Variants in ZNF423 observed in about 807,000 individuals in gnomAD.
ZNF423 encodes zinc finger protein 423.
A neutral mutation model predicts 95.8 loss-of-function variants in ZNF423; 12 were observed. The observed-to-expected ratio is 0.13, with a 90% CI of 0.08 to 0.20. ZNF423 has a LOEUF of 0.20. ZNF423 is among the 10% of genes least tolerant of loss of function. The probability of loss-of-function intolerance (pLI) is 1.00; values close to 1 mark genes in which losing one functional copy is unlikely to be tolerated. For synonymous variants in ZNF423, 749 were observed against 711.9 expected (o/e 1.05, Z -0.83); for missense variants, 1,316 against 1,737.1 (o/e 0.76, Z 4.31).
chr16:49,623,778 C>T lies in ZNF423; in HGVS notation c.3601+2392G>A, dbSNP rs545289821. The stretch of plus-strand genomic sequence containing the variant: ...CGCCAGGTGAGCCCCACCACACACA[C>T]GATTGGGAGTCAGTGGCTGCAGGAG... On this transcript the variant is annotated intron_variant, in intron 5 of 7. Transcript: ENST00000563137. Among the ~76,000 whole-genome samples the T allele has an allele frequency of 3.3e-5, 5 of 152,306 alleles. No homozygotes were observed. The South Asian group carries it at 8.3e-4, about 25-fold the overall frequency.
At chr16:49,760,573 A>C (rs1248372389) in intron 2 of ZNF423, among the ~76,000 whole-genome samples, 1 of 152,156 alleles carries the variant, frequency 6.6e-6, no homozygotes, top group Non-Finnish European at 1.5e-5. Context: ...TACGAAGATG[A>C]CCAAGACATG....
intron 7 of ZNF423, among the ~76,000 whole-genome samples, chr16:49,501,627 G>A (rs1967407128): frequency 7.4e-6 from 1 of 134,802 alleles, no homozygotes; most frequent in African/African-American, 2.8e-5. Context: ...AACCAACCCA[G>A]GCGCCCACCA....
At chr16:49,513,394 G>A (rs1201799657) in intron 7 of ZNF423, among the ~76,000 whole-genome samples, 4 of 152,244 alleles carry the variant, frequency 2.6e-5, no homozygotes, top group Admixed American at 1.3e-4. Flanking sequence ...TGCTAAGTAT[G>A]TGCCTAGAGC....
At chr16:49,731,484 G>A (rs1322747322) in intron 2 of ZNF423, 1 of 540,172 alleles carries the variant, frequency 1.9e-6, no homozygotes, top group Non-Finnish European at 2.4e-6. Flanking sequence ...AAGTACACAT[G>A]TTTGAAGAAC....
chr16:49,721,047 G>T (rs1468866277), intron 3 of ZNF423, among the ~76,000 whole-genome samples: 1 of 152,254 alleles, frequency 6.6e-6, no homozygotes, highest in Non-Finnish European at 1.5e-5. Flanking sequence ...AGGTGCTGGG[G>T]CACCTCTGCT....
At chr16:49,854,057 C>T (rs979880809) in intron 1 of ZNF423, 10 of 985,254 alleles carry the variant, frequency 1.0e-5, no homozygotes, top group Non-Finnish European at 1.1e-5. Flanking sequence ...GCCGTACAGC[C>T]CTTCCATCAG....
intron 1 of ZNF423, among the ~76,000 whole-genome samples, chr16:49,797,919 G>A (rs1445572043): frequency 3.5e-5 from 4 of 115,234 alleles, no homozygotes; most frequent in African/African-American, 9.4e-5. Context: ...TAAAGAAACC[G>A]ATTTTTTAGG....
At chr16:49,741,936 C>A (rs1327096376) in intron 2 of ZNF423, among the ~76,000 whole-genome samples, 1 of 152,234 alleles carries the variant, frequency 6.6e-6, no homozygotes, top group Non-Finnish European at 1.5e-5. Context: ...CAGGTGACCT[C>A]ACTCCAGGTC....
chr16:49,546,569 T>C (rs1969450541), intron 5 of ZNF423, among the ~76,000 whole-genome samples: 1 of 152,150 alleles, frequency 6.6e-6, no homozygotes, highest in Non-Finnish European at 1.5e-5. Context: ...ATGTGAGACT[T>C]CCATTACAAA....
chr16:49,722,175 A>G (rs951325143), intron 3 of ZNF423, among the ~76,000 whole-genome samples: 2 of 152,216 alleles, frequency 1.3e-5, no homozygotes, highest in African/African-American at 4.8e-5. Flanking sequence ...GTTCCCCATC[A>G]GAAGCCATCG....
intron 2 of ZNF423, among the ~76,000 whole-genome samples, chr16:49,737,013 C>T (rs571088744): frequency 1.3e-5 from 2 of 152,088 alleles, no homozygotes; most frequent in Admixed American, 1.3e-4. Flanking sequence ...CACAGCCTCC[C>T]CTACACCCTG....
At chr16:49,822,526 C>A in intron 1 of ZNF423, 1 of 568,936 alleles carries the variant, frequency 1.8e-6, no homozygotes, top group South Asian at 4.1e-5. Flanking sequence ...GATGTTGCTC[C>A]TTCATCCTCC....
chr16:49,491,542 CTT>C (rs35641691), intron 7 of ZNF423, among the ~76,000 whole-genome samples: 29 of 111,200 alleles, frequency 2.6e-4, no homozygotes, highest in African/African-American at 2.9e-4. Context: ...TGTTTTTTGG[CTT>C]TTTTTTTTTT....
At chr16:49,681,767 T>C (rs926303163) in intron 3 of ZNF423, among the ~76,000 whole-genome samples, 1 of 152,024 alleles carries the variant, frequency 6.6e-6, no homozygotes, top group Admixed American at 6.5e-5. Flanking sequence ...TATGATTTTC[T>C]TTTTCTTTTT....
At position 49,636,894 on chromosome 16, in the gene ZNF423, G is replaced by A. The variant is rs1462999528; in HGVS notation, c.2282C>T (p.Thr761Met). ...HSNEKKMYRCTACNWDFRKEA... is the reference protein window; with the variant it reads ...HSNEKKMYRCMACNWDFRKEA... ...CTTGCGGAAGTCCCAGTTGCAGGCC[G>A]TGCAGCGGTACATCTTCTTCTCATT... Residue 761 changes from threonine (T) to methionine (M), a missense_variant, in exon 4 of 8, where the codon ACG (threonine) becomes ATG (methionine). Thr to Met is a moderately conservative substitution (Grantham distance 81). Transcript: ENST00000563137. The surrounding 1 kb of genome is among the most constrained non-coding windows in gnomAD (Gnocchi z 8.6). 4.3e-6 allele frequency: 7 copies of A among 1,613,872 alleles called. No individual in the cohort carries two copies. The highest frequency in any genetic ancestry group is 1.3e-5 in the African/African-American group (1 of 74,940).
intron 5 of ZNF423, among the ~76,000 whole-genome samples, chr16:49,572,074 C>T (rs940970853): frequency 2.6e-5 from 4 of 152,210 alleles, no homozygotes; most frequent in African/African-American, 9.6e-5. Context: ...GCCCTTTCTA[C>T]ACCATCTTAG....
chr16:49,515,934 G>A (rs903368182), intron 7 of ZNF423, among the ~76,000 whole-genome samples: 4 of 152,174 alleles, frequency 2.6e-5, no homozygotes, highest in African/African-American at 9.7e-5. Flanking sequence ...GCATGGGGCC[G>A]ATAGGGCCCC....
At chr16:49,589,365 C>T (rs537225439) in intron 5 of ZNF423, among the ~76,000 whole-genome samples, 1 of 152,350 alleles carries the variant, frequency 6.6e-6, no homozygotes, top group East Asian at 1.9e-4. Flanking sequence ...GCTACTCGCT[C>T]TACTCTGGGC....
chr16:49,538,298 C>A (rs115005322), intron 5 of ZNF423, among the ~76,000 whole-genome samples: 32 of 152,228 alleles, frequency 2.1e-4, no homozygotes, highest in African/African-American at 7.5e-4. Flanking sequence ...GCCAGGCCCA[C>A]ACACCATAGC....
Sources: allele counts gnomAD v4.1 joint callset (sites outside exome capture counted in the v4.1 genomes callset), GRCh38; gene constraint gnomAD v4.1.1; non-coding constraint Gnocchi (gnomAD v3.1); transcripts MANE v1.5; gene names NCBI Gene and HGNC (gene_info 2026-07-23, HGNC 2026-07-21).